The following FKBP6 variants were observed in gnomAD, a reference collection of about 807,000 sequenced individuals.
FKBP6 encodes the protein inactive peptidyl-prolyl cis-trans isomerase FKBP6.
Under a neutral mutation model 41.7 loss-of-function variants are expected in FKBP6, and 29 were observed. The ratio of observed to expected loss-of-function variants is 0.70; its 90% CI spans 0.52 to 0.95. The LOEUF is 0.95. Ranked by LOEUF, FKBP6 falls within the 40% of genes least tolerant of loss-of-function variation. FKBP6 has a pLI of 0.00. For missense variants in FKBP6, 338 were observed against 408.7 expected, an observed-to-expected ratio of 0.83 and a Z score of 1.49; for synonymous variants, 130 against 165.1, an observed-to-expected ratio of 0.79 and a Z score of 1.63.
At position 73,340,832 on chromosome 7, in the gene FKBP6, G is replaced by A; in HGVS notation, c.783G>A (p.Gln261=). 4 of 1,612,526 alleles carry A rather than the reference G, an allele frequency of 2.5e-6. No individual in the cohort carries two copies. Among genetic ancestry groups the A allele is most frequent in the Non-Finnish European group, 3.4e-6 (4 of 1,178,900 alleles). ...CCAAGGCCCTCTTCAGGTGTGGACA[G>A]GTGAGTTGGAAGCCAGTGACTTGGG... is the stretch of plus-strand genomic sequence containing the variant. ...KNAKALFRCG[Q]ACLLLTEYQK... Residue 261 remains glutamine, a splice_region_variant and synonymous_variant, in exon 6 of 9, where the codon CAG becomes CAA. Transcript: ENST00000252037.
chr7:73,341,174 T>C (rs1467581817), intron 6 of FKBP6, 99 bp from the exon 7 acceptor site: 3 of 872,700 alleles, frequency 3.4e-6, no homozygotes, highest in African/African-American at 1.6e-5. Context: ...TCCGCCCGCC[T>C]TGGCCTCCCA....
intron 6 of FKBP6, 137 bp from the exon 7 acceptor site, chr7:73,341,136 C>G: frequency 1.3e-6 from 1 of 777,728 alleles, no homozygotes; most frequent in Non-Finnish European, 2.3e-6. Context: ...GTTGGCCAGG[C>G]TGGTCTGGAA....
At chr7:73,332,584 A>T (rs182138797) in intron 5 of FKBP6, among the ~76,000 whole-genome samples, 22 of 151,624 alleles carry the variant, frequency 1.5e-4, no homozygotes, top group Admixed American at 1.4e-3. Flanking sequence ...TCTCGAGGGG[A>T]TAAGGGCTGG....
At chr7:73,335,084 G>T (rs1554548314) in intron 5 of FKBP6, among the ~76,000 whole-genome samples, 2 of 147,626 alleles carry the variant, frequency 1.4e-5, no homozygotes, top group Non-Finnish European at 3.0e-5. Context: ...TTGCCTAGCT[G>T]CAAAGAAGCC....
In FKBP6 at chr7:73,342,849, C is replaced by A. The variant is rs782225332; in HGVS notation, c.936C>A (p.His312Gln). 1 of 1,614,100 alleles carries A rather than the reference C, an allele frequency of 6.2e-7. No homozygotes were observed. Reference sequence around the variant, plus strand: ...TGGATAAAGAGAAAGAAATGTGGCACCGCATGTTCGCGCCCTGTGGCGATG... The same window carrying A: ...TGGATAAAGAGAAAGAAATGTGGCAACGCATGTTCGCGCCCTGTGGCGATG... The part of the protein sequence containing the change: ...DYVDKEKEMW[H>Q]RMFAPCGDGS... Residue 312 changes from histidine (H) to glutamine (Q), a missense_variant, in exon 8 of 9, where the codon CAC becomes CAA. His to Gln is a conservative substitution (Grantham distance 24, BLOSUM62 0). Around this residue, in one of 2 missense-constraint regions of FKBP6, gnomAD observed 239 missense variants for 250.1 expected, o/e 0.96. Coordinates refer to ENST00000252037, the MANE Select transcript of FKBP6 (RefSeq NM_003602.5).
chr7:73,333,831 G>A (rs1337509025), intron 5 of FKBP6, among the ~76,000 whole-genome samples: 3 of 152,210 alleles, frequency 2.0e-5, no homozygotes, highest in Non-Finnish European at 2.9e-5. Flanking sequence ...CAGCACTTTG[G>A]GAGGCCGAGG....
At chr7:73,351,736 G>A (rs1805496347) in intron 8 of FKBP6, among the ~76,000 whole-genome samples, 2 of 152,158 alleles carry the variant, frequency 1.3e-5, no homozygotes, top group Non-Finnish European at 2.9e-5. Context: ...ATTTACTGTT[G>A]TGGATTCTGT....
intron 5 of FKBP6, among the ~76,000 whole-genome samples, chr7:73,338,066 C>A (rs1212066127): frequency 6.6e-6 from 1 of 152,132 alleles, no homozygotes; most frequent in Non-Finnish European, 1.5e-5. Flanking sequence ...GTCCCTGTTG[C>A]CCAGGCTGGA....
At chr7:73,346,352 G>GC in intron 8 of FKBP6, among the ~76,000 whole-genome samples, 1 of 152,338 alleles carries the variant, frequency 6.6e-6, no homozygotes, top group East Asian at 1.9e-4. Flanking sequence ...CACTTCTGCA[G>GC]CCCTGACCTG....
intron 8 of FKBP6, among the ~76,000 whole-genome samples, chr7:73,356,627 T>A (rs965979784): frequency 5.3e-5 from 8 of 152,232 alleles, no homozygotes; most frequent in African/African-American, 1.2e-4. Context: ...TGCCTAATTG[T>A]TTCTCTATAA....
rs782109084 is a variant in FKBP6, at chr7:73,330,211, G to C, written c.327G>C (p.Arg109Ser). The C allele has an allele frequency of 1.5e-5, 24 of 1,613,890 alleles. No individual in the cohort carries two copies. Among genetic ancestry groups the C allele is most frequent in the Non-Finnish European group, 1.9e-5 (22 of 1,179,916 alleles). ...GCATGCGGAGAGGAGAGCTGGCCAG[G>C]TTTCTGTTCAAACCGAACTACGCCT... ...LLSMRRGELA[R>S]FLFKPNYAYG... Residue 109 changes from arginine to serine, a missense_variant, in exon 4 of 9, where the codon AGG becomes AGC. Coordinates refer to ENST00000252037, the MANE Select transcript of FKBP6 (RefSeq NM_003602.5).
At chr7:73,348,185 T>TC (rs1351364694) in intron 8 of FKBP6, among the ~76,000 whole-genome samples, 68 of 152,298 alleles carry the variant, frequency 4.5e-4, no homozygotes, top group African/African-American at 1.5e-3. Flanking sequence ...ATCTTTTTTT[T>TC]CTCCCTTGTG....
chr7:73,355,433 A>G (rs1277326960), intron 8 of FKBP6, among the ~76,000 whole-genome samples: 3 of 152,170 alleles, frequency 2.0e-5, no homozygotes, highest in East Asian at 3.9e-4. Flanking sequence ...CTCCGATTTG[A>G]AAATTCAACT....
chr7:73,353,508 C>T lies in FKBP6; in HGVS notation c.*3-4673C>T, dbSNP rs116815614. Among the ~76,000 whole-genome samples the T allele has an allele frequency of 6.0e-3, 921 of 152,294 alleles. 11 individuals carry two copies. Among genetic ancestry groups the T allele is most frequent in the African/African-American group, 0.02 (847 of 41,558 alleles). On this transcript the variant is annotated intron_variant, in intron 8 of 8. Transcript: ENST00000252037. ...CCGTCTTTCAGAACATTTCCTTTCT[C>T]GTGCTCCCTTCTGGTGGCTGGGGCC...
intron 4 of FKBP6, among the ~76,000 whole-genome samples, chr7:73,331,373 G>A (rs1319016669): frequency 2.6e-5 from 4 of 152,218 alleles, no homozygotes; most frequent in Admixed American, 1.3e-4. Context: ...TCTGGCTCTA[G>A]GGTGTAAAAT....
chr7:73,357,535 C>T (rs1363017458), intron 8 of FKBP6, among the ~76,000 whole-genome samples: 1 of 150,926 alleles, frequency 6.6e-6, no homozygotes, highest in East Asian at 2.0e-4. Flanking sequence ...GCTTTGATTA[C>T]AGGTGTGAGC....
intron 8 of FKBP6, among the ~76,000 whole-genome samples, chr7:73,349,621 G>A (rs1292080086): frequency 6.7e-6 from 1 of 149,898 alleles, no homozygotes; most frequent in Non-Finnish European, 1.5e-5. Context: ...GGCTGAGGCA[G>A]GAGAATCTCT....
At chr7:73,329,298 C>G in intron 2 of FKBP6, 62 bp from the exon 3 acceptor site, 1 of 917,174 alleles carries the variant, frequency 1.1e-6, no homozygotes, top group East Asian at 2.4e-5. Flanking sequence ...ATGAGAGACT[C>G]GATATTATGG....
intron 7 of FKBP6, 114 bp from the exon 8 acceptor site, chr7:73,342,693 T>C: frequency 1.2e-6 from 1 of 808,218 alleles, no homozygotes; most frequent in Non-Finnish European, 2.2e-6. Flanking sequence ...CCAACTCAGT[T>C]TGAGTCCTGA....
Sources: gnomAD v4.1 joint callset for allele counts (sites outside exome capture counted in the v4.1 genomes callset) on GRCh38, gnomAD v4.1.1 for gene constraint, gnomAD v4.1.1 regional missense constraint, MANE v1.5 for transcripts, NCBI Gene and HGNC (gene_info 2026-07-23, HGNC 2026-07-21) for gene names.